The following ERBB4 variants were observed in gnomAD, a reference collection of about 807,000 sequenced individuals.
ERBB4 encodes receptor tyrosine-protein kinase erbB-4.
Under a neutral mutation model 158.0 loss-of-function variants are expected in ERBB4, and 42 were observed. That is an observed-to-expected ratio of 0.27 (90% confidence interval 0.21 to 0.34). ERBB4 has a LOEUF of 0.34. Among genes scored for constraint, ERBB4 ranks in the 10% least tolerant of loss-of-function variants. ERBB4 has a pLI of 1.00. For synonymous variants in ERBB4, 583 were observed against 558.7 expected (o/e 1.04, Z -0.61); for missense variants, 1,333 against 1,624.1 (o/e 0.82, Z 3.08).
chr2:212,053,017 C>G (rs2077445532), intron 2 of ERBB4, among the ~76,000 whole-genome samples: 1 of 152,070 alleles, frequency 6.6e-6, no homozygotes, highest in Non-Finnish European at 1.5e-5. Flanking sequence ...ACAACTATAG[C>G]TTTTCTCCAA....
At chr2:211,395,656 C>G (rs1052124327) in intron 25 of ERBB4, among the ~76,000 whole-genome samples, 1 of 151,796 alleles carries the variant, frequency 6.6e-6, no homozygotes, top group East Asian at 1.9e-4. Flanking sequence ...GGCTATAAGA[C>G]GTTTATTAGA....
chr2:212,388,708 T>C (rs1319945476), intron 1 of ERBB4, among the ~76,000 whole-genome samples: 3 of 152,132 alleles, frequency 2.0e-5, no homozygotes, highest in Admixed American at 6.6e-5. Context: ...AATGTCGTCA[T>C]TGTGGGCATA....
At chr2:211,680,902 G>T (rs1287915529) in intron 12 of ERBB4, among the ~76,000 whole-genome samples, 1 of 152,122 alleles carries the variant, frequency 6.6e-6, no homozygotes, top group South Asian at 2.1e-4. Flanking sequence ...CATACATAAA[G>T]TATACCATTT....
intron 1 of ERBB4, among the ~76,000 whole-genome samples, chr2:212,292,072 G>A (rs2371481): frequency 0.91 from 137,959 of 151,950 alleles, 62,874 homozygotes; most frequent in Middle Eastern, 0.97. Flanking sequence ...AAAAAAGCTA[G>A]TTTTGCTTTT....
At chr2:211,461,994 C>T (rs1053780503) in intron 20 of ERBB4, among the ~76,000 whole-genome samples, 10 of 151,818 alleles carry the variant, frequency 6.6e-5, no homozygotes, top group East Asian at 1.9e-4. Flanking sequence ...TAAAATGCTC[C>T]GGTAATGGCA....
intron 20 of ERBB4, among the ~76,000 whole-genome samples, chr2:211,528,493 C>G (rs1325721351): frequency 6.6e-6 from 1 of 152,030 alleles, no homozygotes; most frequent in Non-Finnish European, 1.5e-5. Context: ...TGAATCTGCT[C>G]TATACACCAA....
In ERBB4 at chr2:212,033,869, G is replaced by A. The variant is rs191983077; in HGVS notation, c.235-86253C>T. 2.2e-4 allele frequency among the ~76,000 whole-genome samples: 33 copies of A among 151,938 alleles called. 2 individuals are homozygous for A. Among genetic ancestry groups the A allele is most frequent in the Admixed American group, 4.6e-4 (7 of 15,254 alleles). On this transcript the variant is annotated intron_variant, in intron 2 of 27. Transcript: ENST00000342788. ...AATAGAGATATTAATACCAAATTAC[G>A]CTGTGAAGATTCTATAATGAAATAG... is the stretch of plus-strand genomic sequence containing the variant.
At chr2:211,950,790 C>T (rs529863019) in intron 2 of ERBB4, among the ~76,000 whole-genome samples, 1 of 152,126 alleles carries the variant, frequency 6.6e-6, no homozygotes, top group South Asian at 2.1e-4. Context: ...AGGGGTGAAA[C>T]TCAGCAGTGA....
intron 15 of ERBB4, among the ~76,000 whole-genome samples, chr2:211,659,944 A>G (rs938917999): frequency 5.3e-5 from 8 of 152,250 alleles, no homozygotes; most frequent in Admixed American, 1.3e-4. Flanking sequence ...TAACCCTCTT[A>G]GGGGAGGTAA....
intron 20 of ERBB4, among the ~76,000 whole-genome samples, chr2:211,515,912 A>ATATATATATT (rs35696520): frequency 5.1e-5 from 4 of 78,984 alleles, no homozygotes; most frequent in African/African-American, 1.1e-4. Context: ...ATATATATAT[A>ATATATATATT]TTTTTTTTTT....
At chr2:211,910,287 A>G (rs2079509703) in intron 3 of ERBB4, among the ~76,000 whole-genome samples, 1 of 151,316 alleles carries the variant, frequency 6.6e-6, no homozygotes, top group South Asian at 2.1e-4. Flanking sequence ...TTTCACATTA[A>G]GTTAAAATAG....
chr2:212,149,339 T>C (rs992797212), intron 1 of ERBB4, among the ~76,000 whole-genome samples: 11 of 152,154 alleles, frequency 7.2e-5, no homozygotes, highest in African/African-American at 2.4e-4. Flanking sequence ...TTTCAAACTA[T>C]AGTGCTCGTC....
intron 3 of ERBB4, among the ~76,000 whole-genome samples, chr2:211,814,644 A>G (rs945578116): frequency 4.6e-5 from 7 of 152,184 alleles, no homozygotes; most frequent in African/African-American, 1.4e-4. Flanking sequence ...TACCAAAAAA[A>G]AAAGTAAATT....
chr2:212,267,599 T>TTTTTCTTTC (rs1559884859), intron 1 of ERBB4, among the ~76,000 whole-genome samples: 2 of 41,692 alleles, frequency 4.8e-5, no homozygotes, highest in South Asian at 1.5e-3. Flanking sequence ...TCTCATTTCT[T>TTTTTCTTTC]TTTTTTTTTT....
chr2:211,612,374 G>A (rs2125834528), intron 19 of ERBB4, among the ~76,000 whole-genome samples: 1 of 152,080 alleles, frequency 6.6e-6, no homozygotes, highest in South Asian at 2.1e-4. Flanking sequence ...TCTAGTGGTG[G>A]AGAGTGGAAT....
chr2:211,742,492 C>T (rs995323450), intron 5 of ERBB4, among the ~76,000 whole-genome samples: 3 of 151,928 alleles, frequency 2.0e-5, no homozygotes, highest in Non-Finnish European at 2.9e-5. Context: ...TATTCTATTT[C>T]GAAGGAGTTC....
intron 1 of ERBB4, among the ~76,000 whole-genome samples, chr2:212,349,385 G>A (rs1175403692): frequency 6.6e-6 from 1 of 151,324 alleles, no homozygotes; most frequent in Admixed American, 6.6e-5. Flanking sequence ...TGTACATATT[G>A]GACATTTCCA....
intron 3 of ERBB4, among the ~76,000 whole-genome samples, chr2:211,839,477 C>A (rs190243733): frequency 6.6e-6 from 1 of 152,134 alleles, no homozygotes; most frequent in East Asian, 1.9e-4. Context: ...TCTGACTGGT[C>A]CCCAAAACAA....
chr2:212,406,517 G>A (rs747746405), intron 1 of ERBB4, among the ~76,000 whole-genome samples: 1 of 152,128 alleles, frequency 6.6e-6, no homozygotes, highest in Non-Finnish European at 1.5e-5. Flanking sequence ...ACAAATTGCA[G>A]ATAAAAGATG....
Sources: allele counts gnomAD v4.1 joint callset (sites outside exome capture counted in the v4.1 genomes callset), GRCh38; gene constraint gnomAD v4.1.1; transcripts MANE v1.5; gene names NCBI Gene and HGNC (gene_info 2026-07-23, HGNC 2026-07-21).